Variants in CACNA2D3 observed in about 807,000 individuals in gnomAD.
The protein encoded by CACNA2D3 is calcium voltage-gated channel auxiliary subunit alpha2delta 3, also known as voltage-dependent calcium channel subunit alpha-2/delta-3.
Under a neutral mutation model 160.6 loss-of-function variants are expected in CACNA2D3, and 60 were observed. That is an observed-to-expected ratio of 0.37 (90% CI 0.30 to 0.46). The LOEUF is 0.46. CACNA2D3 is among the 20% of genes least tolerant of loss of function. The pLI is 1.00. For missense variants in CACNA2D3, 1,205 were observed against 1,365.0 expected, an observed-to-expected ratio of 0.88 and a Z score of 1.85; for synonymous variants, 558 against 492.9, an observed-to-expected ratio of 1.13 and a Z score of -1.75.
chr3:54,939,691 C>G (rs1213601132), intron 27 of CACNA2D3, among the ~76,000 whole-genome samples: 1 of 152,234 alleles, frequency 6.6e-6, no homozygotes, highest in East Asian at 1.9e-4. Flanking sequence ...ATGGCTGTTT[C>G]CCTATTCAGA....
At chr3:55,039,327 A>G (rs1703909027) in intron 35 of CACNA2D3, among the ~76,000 whole-genome samples, 1 of 152,170 alleles carries the variant, frequency 6.6e-6, no homozygotes, top group Non-Finnish European at 1.5e-5. Flanking sequence ...CGGGGAAAAG[A>G]CGCAGAAGAG....
At chr3:55,005,137 G>A (rs969578319) in intron 32 of CACNA2D3, among the ~76,000 whole-genome samples, 38 of 152,046 alleles carry the variant, frequency 2.5e-4, no homozygotes, top group African/African-American at 8.7e-4. Flanking sequence ...TTAGCCAGGC[G>A]TGGTGGCGTG....
intron 34 of CACNA2D3, among the ~76,000 whole-genome samples, chr3:55,014,603 G>C (rs183913917): frequency 6.6e-6 from 1 of 152,116 alleles, no homozygotes; most frequent in African/African-American, 2.4e-5. Flanking sequence ...ATGATGGCGC[G>C]TGCCTGTAAT....
intron 4 of CACNA2D3, among the ~76,000 whole-genome samples, chr3:54,472,993 A>T (rs1187766309): frequency 1.3e-5 from 2 of 152,214 alleles, no homozygotes; most frequent in Non-Finnish European, 2.9e-5. Context: ...GTCCCCATCA[A>T]GCTACCGTTG....
At chr3:54,983,264 T>A (rs973663151) in intron 29 of CACNA2D3, among the ~76,000 whole-genome samples, 2 of 152,256 alleles carry the variant, frequency 1.3e-5, no homozygotes, top group Admixed American at 6.5e-5. Flanking sequence ...ACCCTTGAAA[T>A]GTGACTTGTG....
chr3:54,350,986 G>GTTTTTTTTTT (rs796392854), intron 3 of CACNA2D3, among the ~76,000 whole-genome samples: 78 of 65,936 alleles, frequency 1.2e-3, no homozygotes, highest in Non-Finnish European at 2.0e-3. Flanking sequence ...TTTTTTGTTT[G>GTTTTTTTTTT]TTTTTTTTTT....
intron 13 of CACNA2D3, among the ~76,000 whole-genome samples, chr3:54,775,935 C>A (rs1046738696): frequency 6.6e-6 from 1 of 152,154 alleles, no homozygotes; most frequent in Non-Finnish European, 1.5e-5. Context: ...TTCCTTTGTT[C>A]TTTTTTCTTG....
chr3:54,425,661 G>A (rs4131315), intron 4 of CACNA2D3, among the ~76,000 whole-genome samples: 42,584 of 152,066 alleles, frequency 0.28, 6,185 homozygotes, highest in Admixed American at 0.34. Context: ...AGGTAAATCA[G>A]TGAACTCACC....
intron 2 of CACNA2D3, among the ~76,000 whole-genome samples, chr3:54,188,874 A>G (rs1226685095): frequency 3.3e-5 from 5 of 152,228 alleles, no homozygotes; most frequent in South Asian, 2.1e-4. Context: ...CTCATTTAGT[A>G]CTTGGCAGAC....
At chr3:55,052,538 T>A (rs897589580) in intron 35 of CACNA2D3, among the ~76,000 whole-genome samples, 1 of 152,082 alleles carries the variant, frequency 6.6e-6, no homozygotes, top group African/African-American at 2.4e-5. Context: ...TCTTACAGAT[T>A]TTCTATGTAT....
At position 54,232,689 on chromosome 3, in the gene CACNA2D3, C is replaced by T. The variant is rs1034959609; in HGVS notation, c.205-87753C>T. The stretch of plus-strand genomic sequence containing the variant: ...CCTGTGTGGCTCTTTGTAAGTCTTT[C>T]CCTAATATTGGATAGCCCATTTCTT... On this transcript the variant is annotated intron_variant, in intron 2 of 37. Transcript: ENST00000474759. Among the ~76,000 whole-genome samples, 36 of 152,090 alleles carry T rather than the reference C, an allele frequency of 2.4e-4. 1 individual carries two copies. The highest frequency in any genetic ancestry group is 2.2e-3 in the Admixed American group (34 of 15,270).
chr3:54,693,021 T>TA (rs34722563), intron 11 of CACNA2D3, among the ~76,000 whole-genome samples: 8 of 149,624 alleles, frequency 5.3e-5, no homozygotes, highest in East Asian at 2.0e-4. Flanking sequence ...CAGCAAAATG[T>TA]AAAAAAAAAA....
chr3:54,237,034 A>G (rs544725027), intron 2 of CACNA2D3, among the ~76,000 whole-genome samples: 1 of 151,354 alleles, frequency 6.6e-6, no homozygotes, highest in South Asian at 2.1e-4. Context: ...AACATGCAAA[A>G]CACATTCCAT....
At chr3:54,183,211 ATT>A (rs772005648) in intron 2 of CACNA2D3, among the ~76,000 whole-genome samples, 2 of 81,394 alleles carry the variant, frequency 2.5e-5, no homozygotes, top group Non-Finnish European at 2.4e-5. Context: ...CATAAAGAAA[ATT>A]TTTTTTTTTT....
intron 9 of CACNA2D3, among the ~76,000 whole-genome samples, chr3:54,611,661 G>T (rs572423142): frequency 7.9e-5 from 12 of 152,330 alleles, no homozygotes; most frequent in African/African-American, 2.4e-4. Context: ...CAGTCTCTTT[G>T]CTGACTTGGT....
At chr3:54,926,224 T>C (rs146742835) in intron 27 of CACNA2D3, among the ~76,000 whole-genome samples, 18 of 152,306 alleles carry the variant, frequency 1.2e-4, no homozygotes, top group Admixed American at 1.1e-3. Context: ...TTGAGCCACC[T>C]ACCATTCTAA....
intron 4 of CACNA2D3, among the ~76,000 whole-genome samples, chr3:54,393,846 A>G (rs944904210): frequency 1.3e-5 from 2 of 152,218 alleles, no homozygotes; most frequent in Non-Finnish European, 2.9e-5. Flanking sequence ...CTGCTTCCCT[A>G]GAACTGGACT....
At chr3:54,742,278 T>C (rs1332176561) in intron 11 of CACNA2D3, among the ~76,000 whole-genome samples, 3 of 152,072 alleles carry the variant, frequency 2.0e-5, no homozygotes, top group East Asian at 2.0e-4. Context: ...AATTAGCCAA[T>C]GTGGTGGTGC....
chr3:54,801,675 T>C (rs1362537512), intron 13 of CACNA2D3, among the ~76,000 whole-genome samples: 2 of 152,176 alleles, frequency 1.3e-5, no homozygotes, highest in Non-Finnish European at 2.9e-5. Flanking sequence ...ATCTTTTATA[T>C]CTAATTTTCT....
Sources: gnomAD v4.1 joint callset for allele counts (sites outside exome capture counted in the v4.1 genomes callset) on GRCh38, gnomAD v4.1.1 for gene constraint, MANE v1.5 for transcripts, NCBI Gene and HGNC (gene_info 2026-07-23, HGNC 2026-07-21) for gene names.